Variants in SORCS1 observed in about 807,000 individuals in gnomAD.
SORCS1 encodes the protein sortilin related VPS10 domain containing receptor 1.
A neutral mutation model predicts 146.1 loss-of-function variants in SORCS1; 60 were observed. The observed-to-expected ratio is 0.41, with a 90% confidence interval of 0.33 to 0.51. The LOEUF is 0.51. Among genes scored for constraint, SORCS1 ranks in the 20% least tolerant of loss-of-function variants. SORCS1 has a pLI of 0.21. For synonymous variants in SORCS1, 637 were observed against 584.0 expected (o/e 1.09, Z -1.31); for missense variants, 1,352 against 1,487.6 (o/e 0.91, Z 1.50).
intron 7 of SORCS1, 114 bp from the exon 8 acceptor site, chr10:106,706,748 G>A (rs946570930): frequency 1.6e-5 from 14 of 888,766 alleles, no homozygotes; most frequent in Middle Eastern, 2.3e-4. Context: ...TGGCATTAAT[G>A]TCTATTGCGG....
At chr10:106,651,932 CA>C (rs1482971481) in intron 18 of SORCS1, among the ~76,000 whole-genome samples, 1 of 152,200 alleles carries the variant, frequency 6.6e-6, no homozygotes, top group African/African-American at 2.4e-5. Context: ...ATTATGTTTA[CA>C]TTGGCCTCAG....
At chr10:106,778,404 TTC>T (rs1022380563) in intron 3 of SORCS1, among the ~76,000 whole-genome samples, 1 of 152,022 alleles carries the variant, frequency 6.6e-6, no homozygotes, top group Non-Finnish European at 1.5e-5. Flanking sequence ...AGTTATGGAT[TTC>T]TCTGTCTCAC....
At chr10:106,802,497 A>C (rs1425658722) in intron 3 of SORCS1, among the ~76,000 whole-genome samples, 1 of 132,530 alleles carries the variant, frequency 7.5e-6, no homozygotes, top group African/African-American at 2.9e-5. Flanking sequence ...AAACCCAGCT[A>C]ATTTTTTTTT....
At chr10:106,715,395 C>T (rs891321867) in intron 6 of SORCS1, among the ~76,000 whole-genome samples, 1 of 152,212 alleles carries the variant, frequency 6.6e-6, no homozygotes, top group Non-Finnish European at 1.5e-5. Flanking sequence ...AATGCAATCC[C>T]CATCCACCCA....
At chr10:106,653,458 A>G (rs1850038807) in intron 17 of SORCS1, among the ~76,000 whole-genome samples, 2 of 152,192 alleles carry the variant, frequency 1.3e-5, no homozygotes, top group Admixed American at 1.3e-4. Flanking sequence ...AGGTCAGCAA[A>G]CTTTTTATAT....
rs143576097 is a variant in SORCS1, at chr10:106,886,117, C to A, written c.627-56444G>T. Among the ~76,000 whole-genome samples the A allele has an allele frequency of 4.1e-3, 626 of 152,176 alleles. 6 individuals are homozygous for A. Among genetic ancestry groups the A allele is most frequent in the African/African-American group, 0.015 (615 of 41,516 alleles). On this transcript the variant is annotated intron_variant, in intron 2 of 25. Transcript: ENST00000263054. ...TTTCTACTAAAAGTACAAAAATTAG[C>A]CTGGCATGGTAGCAGGCACCTGTAA... is the stretch of plus-strand genomic sequence containing the variant.
At chr10:107,047,893 C>T (rs770073641) in intron 1 of SORCS1, among the ~76,000 whole-genome samples, 4 of 151,920 alleles carry the variant, frequency 2.6e-5, no homozygotes, top group Admixed American at 1.3e-4. Context: ...CCAGTCTGGG[C>T]AATGTGGTGA....
the SORCS1 span, among the ~76,000 whole-genome samples, chr10:107,178,647 C>A: frequency 6.6e-6 from 1 of 152,004 alleles, no homozygotes; most frequent in Non-Finnish European, 1.5e-5. Flanking sequence ...TGCCACCACA[C>A]CCAGCTAATT....
At chr10:107,099,901 G>C (rs997528185) in intron 1 of SORCS1, among the ~76,000 whole-genome samples, 1 of 152,138 alleles carries the variant, frequency 6.6e-6, no homozygotes, top group East Asian at 1.9e-4. Flanking sequence ...AACCTGGAGG[G>C]AATACAGATA....
At chr10:107,081,443 C>T (rs573773141) in intron 1 of SORCS1, among the ~76,000 whole-genome samples, 2 of 152,294 alleles carry the variant, frequency 1.3e-5, no homozygotes, top group Non-Finnish European at 2.9e-5. Context: ...CATAGACCCA[C>T]AAGACTTTCC....
At chr10:107,006,426 C>T (rs1056850495) in intron 1 of SORCS1, among the ~76,000 whole-genome samples, 3 of 152,146 alleles carry the variant, frequency 2.0e-5, no homozygotes, top group Admixed American at 6.5e-5. Context: ...AAGTAATGAA[C>T]AGGTGAAAGA....
At chr10:106,673,129 G>A in intron 14 of SORCS1, 144 bp from the exon 15 acceptor site, 1 of 585,340 alleles carries the variant, frequency 1.7e-6, no homozygotes, top group Non-Finnish European at 2.8e-6. Flanking sequence ...CATTCATGAA[G>A]AGGGTACTTT....
At chr10:107,156,384 G>A (rs935931783) in intron 1 of SORCS1, among the ~76,000 whole-genome samples, 6 of 152,172 alleles carry the variant, frequency 3.9e-5, no homozygotes, top group East Asian at 1.9e-4. Context: ...ATAACAGTAC[G>A]TAGTTCATAA....
chr10:106,658,314 T>TA (rs35145082), intron 17 of SORCS1, among the ~76,000 whole-genome samples: 10,715 of 144,756 alleles, frequency 0.074, 443 homozygotes, highest in East Asian at 0.21. Context: ...TACTCATCCT[T>TA]AAAAAAAAAA....
Position 107,164,604 on chromosome 10 carries a change from G to T in SORCS1, c.-78C>A. ...CGAGCTCTGCGCTGGCGGCTGTGGG[G>T]GGCCGGCGCTCAGGACCCCAACTCC... On this transcript the variant is annotated 5_prime_UTR_variant, in exon 1 of 26. Transcript: ENST00000263054. This position sits in a 1 kb window ranked among gnomAD's most constrained non-coding sequence, Gnocchi z 6.8. 8.3e-7 allele frequency: 1 copy of T among 1,207,658 alleles called. No individual in the cohort carries two copies. The highest frequency in any genetic ancestry group is 1.1e-6 in the Non-Finnish European group (1 of 945,726). The allele number at this position is 1,207,658 out of a possible 1,614,324, so 74.8% of individuals were successfully genotyped here.
chr10:106,772,188 G>A (rs948021659), intron 4 of SORCS1, among the ~76,000 whole-genome samples: 1 of 152,174 alleles, frequency 6.6e-6, no homozygotes. Flanking sequence ...AATAGAAAAG[G>A]CAGAGGGAGG....
intron 24 of SORCS1, among the ~76,000 whole-genome samples, chr10:106,594,890 A>G (rs1017473317): frequency 6.6e-5 from 10 of 152,234 alleles, no homozygotes; most frequent in African/African-American, 2.2e-4. Context: ...TGCTACCTAA[A>G]CAGGCTCCAT....
chr10:107,032,495 GT>G (rs1392461223), intron 1 of SORCS1, among the ~76,000 whole-genome samples: 1 of 152,076 alleles, frequency 6.6e-6, no homozygotes, highest in East Asian at 1.9e-4. Flanking sequence ...TCTGTTTTCT[GT>G]TAGTTACAGA....
intron 1 of SORCS1, among the ~76,000 whole-genome samples, chr10:107,045,845 A>C (rs1959345205): frequency 6.7e-6 from 1 of 149,526 alleles, no homozygotes; most frequent in Non-Finnish European, 1.5e-5. Context: ...ATACAGTGGC[A>C]TAACAACAGT....
Sources: gnomAD v4.1 joint callset for allele counts (sites outside exome capture counted in the v4.1 genomes callset) on GRCh38, gnomAD v4.1.1 for gene constraint, Gnocchi (gnomAD v3.1) non-coding constraint, MANE v1.5 for transcripts, NCBI Gene and HGNC (gene_info 2026-07-23, HGNC 2026-07-21) for gene names.